GNAQ: variants seen among roughly 807,000 people sequenced by gnomAD.
GNAQ encodes guanine nucleotide-binding protein G(q) subunit alpha.
GNAQ carries 8 observed loss-of-function variants against 43.9 expected under a neutral mutation model. The ratio of observed to expected loss-of-function variants is 0.18; its 90% CI spans 0.11 to 0.33. The LOEUF (loss-of-function observed/expected upper bound fraction) is 0.33, where lower values mean the gene tolerates loss of function less well. GNAQ is among the 10% of genes least tolerant of loss of function. GNAQ has a pLI of 1.00. For synonymous variants in GNAQ, 155 were observed against 170.7 expected, an observed-to-expected ratio of 0.91 and a Z score of 0.71; for missense variants, 158 against 450.8, an observed-to-expected ratio of 0.35 and a Z score of 5.88.
At chr9:77,941,903 T>TACACAC (rs1320268340) in intron 1 of GNAQ, among the ~76,000 whole-genome samples, 66 of 90,486 alleles carry the variant, frequency 7.3e-4, no homozygotes, top group African/African-American at 2.9e-3. Flanking sequence ...ACATACAACA[T>TACACAC]ACATACACAC....
intron 5 of GNAQ, among the ~76,000 whole-genome samples, chr9:77,739,559 A>G (rs1033596108): frequency 1.3e-5 from 2 of 152,248 alleles, no homozygotes; most frequent in African/African-American, 4.8e-5. Context: ...TCTAAGATTG[A>G]CCTTTCCTAA....
intron 3 of GNAQ, among the ~76,000 whole-genome samples, chr9:77,799,907 TAGAG>T (rs1478621948): frequency 1.3e-5 from 2 of 152,038 alleles, no homozygotes; most frequent in African/African-American, 4.8e-5. Flanking sequence ...GGAAGACAAA[TAGAG>T]GGAGGCTGGG....
chr9:77,763,115 AAC>A (rs1231655544), intron 5 of GNAQ, among the ~76,000 whole-genome samples: 5 of 140,700 alleles, frequency 3.6e-5, no homozygotes, highest in Non-Finnish European at 7.6e-5. Flanking sequence ...ATTAAAAAAA[AAC>A]AAAAAAATAA....
rs1432116906 is a variant in GNAQ at position 77,763,456 on chromosome 9, T to A, written c.735+31007A>T. On this transcript the variant is annotated intron_variant, in intron 5 of 6. Coordinates refer to ENST00000286548, the MANE Select transcript of GNAQ (RefSeq NM_002072.5). Reference sequence around the variant, plus strand: ...GCTGGGCAACATGGCAAGACCCCCATCTCCACAAAAATAATTAATACTGTA... The same window carrying A: ...GCTGGGCAACATGGCAAGACCCCCAACTCCACAAAAATAATTAATACTGTA... 2.0e-5 allele frequency among the ~76,000 whole-genome samples: 3 copies of A among 152,114 alleles called. No homozygotes were observed. In the East Asian group the frequency reaches 5.8e-4, roughly 29 times the overall value.
rs146431402 is a variant in GNAQ at position 77,943,771 on chromosome 9, C to T, written c.137-21426G>A. ...CTCTGCCTCCTGGGTTCAAGCAATTCTCCTGCCTCAGCCTCCCAAGAGTAG... is the reference window on the plus strand; with the variant it reads ...CTCTGCCTCCTGGGTTCAAGCAATTTTCCTGCCTCAGCCTCCCAAGAGTAG... On this transcript the variant is annotated intron_variant, in intron 1 of 6. Transcript: ENST00000286548. Among the ~76,000 whole-genome samples, 2 of 149,282 alleles carry T rather than the reference C, an allele frequency of 1.3e-5. 1 individual carries two copies. Among genetic ancestry groups the T allele is most frequent in the African/African-American group, 4.9e-5 (2 of 40,410 alleles).
chr9:77,848,363 T>C (rs1009066160), intron 2 of GNAQ, among the ~76,000 whole-genome samples: 6 of 152,214 alleles, frequency 3.9e-5, no homozygotes, highest in African/African-American at 1.4e-4. Context: ...GCAAAGCACA[T>C]ACTTTCACAT....
intron 2 of GNAQ, among the ~76,000 whole-genome samples, chr9:77,874,830 A>G (rs1828103731): frequency 6.6e-6 from 1 of 152,056 alleles, no homozygotes; most frequent in African/African-American, 2.4e-5. Flanking sequence ...CATGTTGGAC[A>G]GGCTAGTCTT....
At chr9:77,763,072 G>A (rs1458541516) in intron 5 of GNAQ, among the ~76,000 whole-genome samples, 1 of 145,294 alleles carries the variant, frequency 6.9e-6, no homozygotes, top group Admixed American at 7.1e-5. Context: ...CCCTCTCTGT[G>A]AGAAACACCC....
intron 4 of GNAQ, among the ~76,000 whole-genome samples, chr9:77,796,340 A>G (rs937748699): frequency 1.3e-5 from 2 of 152,150 alleles, no homozygotes; most frequent in Non-Finnish European, 1.5e-5. Context: ...ACAGGAGATA[A>G]TAACTTCTGC....
intron 1 of GNAQ, among the ~76,000 whole-genome samples, chr9:78,011,776 G>A (rs966421171): frequency 1.3e-5 from 2 of 152,048 alleles, no homozygotes; most frequent in Non-Finnish European, 2.9e-5. Context: ...AAATAATGGA[G>A]AGATACAGCA....
chr9:77,948,552 G>A (rs1019350457), intron 1 of GNAQ, among the ~76,000 whole-genome samples: 1 of 152,196 alleles, frequency 6.6e-6, no homozygotes, highest in African/African-American at 2.4e-5. Flanking sequence ...AGCCAGGAGG[G>A]CAGCCTAGGC....
At chr9:77,905,189 C>G (rs544968475) in intron 2 of GNAQ, among the ~76,000 whole-genome samples, 1 of 152,284 alleles carries the variant, frequency 6.6e-6, no homozygotes, top group Non-Finnish European at 1.5e-5. Context: ...GCTGAGTTAT[C>G]AGATATACTT....
At chr9:77,992,321 C>T (rs933232566) in intron 1 of GNAQ, among the ~76,000 whole-genome samples, 5 of 152,142 alleles carry the variant, frequency 3.3e-5, no homozygotes, top group East Asian at 3.9e-4. Context: ...GAAAAGTTTT[C>T]GATTCAACTT....
chr9:77,894,426 AT>A (rs1445416786), intron 2 of GNAQ, among the ~76,000 whole-genome samples: 2 of 119,234 alleles, frequency 1.7e-5, no homozygotes, highest in African/African-American at 6.6e-5. Flanking sequence ...AATAGAAAAA[AT>A]ATATATATAT....
chr9:77,927,234 T>C (rs932103889), intron 1 of GNAQ, among the ~76,000 whole-genome samples: 2 of 152,214 alleles, frequency 1.3e-5, no homozygotes, highest in South Asian at 2.1e-4. Context: ...ATTTTGCCTA[T>C]TTGCATGATA....
intron 5 of GNAQ, among the ~76,000 whole-genome samples, chr9:77,775,082 TTC>T (rs1826286842): frequency 6.6e-6 from 1 of 152,208 alleles, no homozygotes; most frequent in Non-Finnish European, 1.5e-5. Context: ...ATGAGCGACT[TTC>T]TGTCCAATAT....
chr9:77,899,343 T>C (rs1382214037), intron 2 of GNAQ, among the ~76,000 whole-genome samples: 3 of 152,072 alleles, frequency 2.0e-5, no homozygotes, highest in Admixed American at 2.0e-4. Context: ...GCGATCCACC[T>C]GCCTCAGCCT....
chr9:77,889,076 A>C (rs1322373687), intron 2 of GNAQ, among the ~76,000 whole-genome samples: 3 of 151,976 alleles, frequency 2.0e-5, no homozygotes, highest in Non-Finnish European at 4.4e-5. Context: ...CCTTCACTTT[A>C]CTTAGTCATG....
chr9:77,727,862 A>G (rs1471088938), intron 6 of GNAQ, among the ~76,000 whole-genome samples: 1 of 152,178 alleles, frequency 6.6e-6, no homozygotes, highest in Non-Finnish European at 1.5e-5. Flanking sequence ...GTTCCTCCCC[A>G]GAGAGAGGAG....
Sources: gnomAD v4.1 joint callset for allele counts (sites outside exome capture counted in the v4.1 genomes callset) on GRCh38, gnomAD v4.1.1 for gene constraint, MANE v1.5 for transcripts, NCBI Gene and HGNC (gene_info 2026-07-23, HGNC 2026-07-21) for gene names.